Variants in SCARB2 observed in about 807,000 individuals in gnomAD.
SCARB2 encodes scavenger receptor class B member 2, also known as lysosome membrane protein 2.
In SCARB2, 29 loss-of-function variants were observed where a neutral mutation model predicts 58.6. The observed-to-expected ratio is 0.49, with a 90% CI of 0.37 to 0.67. The LOEUF is 0.67. Among genes scored for constraint, SCARB2 ranks in the 30% least tolerant of loss-of-function variants. The pLI, the probability that SCARB2 is intolerant of heterozygous loss-of-function variation, is 0.00. For missense variants in SCARB2, 488 were observed against 578.5 expected, an observed-to-expected ratio of 0.84 and a Z score of 1.60; for synonymous variants, 195 against 210.1, an observed-to-expected ratio of 0.93 and a Z score of 0.62.
intron 7 of SCARB2, among the ~76,000 whole-genome samples, chr4:76,170,388 A>G (rs936076783): frequency 3.9e-5 from 6 of 152,358 alleles, no homozygotes; most frequent in Non-Finnish European, 8.8e-5. Context: ...TTACCCAGGG[A>G]CAGCTAGCCA....
In SCARB2 at chr4:76,160,896, G is replaced by A. The variant is rs532437140; in HGVS notation, c.*817C>T. 1 of 152,086 alleles carries A rather than the reference G, an allele frequency of 6.6e-6. No individual in the cohort carries two copies. The highest frequency in any genetic ancestry group is 1.5e-5 in the Non-Finnish European group (1 of 67,996). 9.4% of individuals were successfully genotyped at this position (152,086 alleles called of 1,614,324 possible). A position where few individuals can be genotyped will look rare whatever the true frequency, so the allele number is the denominator to read the frequency against. On this transcript the variant is annotated 3_prime_UTR_variant, in exon 12 of 12. Transcript: ENST00000264896. ...ATTCTCTCAGAAGCATCTTTTCGTA[G>A]CATGATCATTTTGACTAAAAAAAAA...
In SCARB2 at chr4:76,198,841, A is replaced by AGTGAGTGT. The variant is rs1259886166; in HGVS notation, c.118-2978_118-2977insACACTCAC. On this transcript the variant is annotated intron_variant, in intron 1 of 11. Coordinates refer to ENST00000264896, the MANE Select transcript of SCARB2 (RefSeq NM_005506.4). The stretch of plus-strand genomic sequence containing the variant: ...TAGATCACGTGCTGGAGAGTGAGTG[A>AGTGAGTGT]GTGTGTGTGTGTGTGTGTGTGTGTG... 9.4e-3 allele frequency among the ~76,000 whole-genome samples: 1,331 copies of AGTGAGTGT among 141,100 alleles called. 21 individuals carry two copies. Among genetic ancestry groups the AGTGAGTGT allele is most frequent in the African/African-American group, 0.035 (1,250 of 35,622 alleles). 92.6% of individuals were successfully genotyped at this position (141,100 alleles called of 152,430 possible).
At chr4:76,188,695 C>A (rs1293800101) in intron 2 of SCARB2, among the ~76,000 whole-genome samples, 1 of 152,218 alleles carries the variant, frequency 6.6e-6, no homozygotes, top group African/African-American at 2.4e-5. Context: ...TCTTATCCAG[C>A]CTAAACAATA....
chr4:76,199,514 G>A (rs1285753372), intron 1 of SCARB2, among the ~76,000 whole-genome samples: 1 of 152,228 alleles, frequency 6.6e-6, no homozygotes, highest in African/African-American at 2.4e-5. Context: ...AATATGGCAG[G>A]ACATTAACAA....
At chr4:76,170,555 G>A (rs1042457859) in intron 7 of SCARB2, among the ~76,000 whole-genome samples, 8 of 151,914 alleles carry the variant, frequency 5.3e-5, no homozygotes, top group African/African-American at 9.7e-5. Flanking sequence ...GTTTTGTTTT[G>A]TTTTGTTTTT....
At chr4:76,171,121 C>G (rs1341357848) in intron 7 of SCARB2, among the ~76,000 whole-genome samples, 4 of 152,022 alleles carry the variant, frequency 2.6e-5, no homozygotes, top group African/African-American at 9.7e-5. Flanking sequence ...TACATATTCA[C>G]CAGCCCATGG....
At chr4:76,179,487 AAG>A in intron 4 of SCARB2, 28 bp downstream of exon 4, 1 of 1,543,268 alleles carries the variant, frequency 6.5e-7, no homozygotes, top group Non-Finnish European at 9.0e-7. Flanking sequence ...CAGCTAAAAA[AAG>A]AGGTTCTGAA....
In SCARB2 at chr4:76,175,926, A is replaced by C. The variant is rs758547692; in HGVS notation, c.705-16T>G. The stretch of plus-strand genomic sequence containing the variant: ...GTCAAGTGACCTATAATTGATAAGC[A>C]CAAGAAAGAGTAAAGATGATCACAT... On this transcript the variant is annotated splice_polypyrimidine_tract_variant and intron_variant, in intron 5 of 11. Coordinates refer to ENST00000264896, the MANE Select transcript of SCARB2 (RefSeq NM_005506.4). 5 of 1,613,082 alleles carry C rather than the reference A, an allele frequency of 3.1e-6. No homozygotes were observed. The highest frequency in any genetic ancestry group is 4.2e-6 in the Non-Finnish European group (5 of 1,179,914).
chr4:76,195,384 T>C (rs1279554815), intron 2 of SCARB2: 2 of 213,418 alleles, frequency 9.4e-6, no homozygotes, highest in African/African-American at 4.6e-5. Context: ...TAAAATAAAA[T>C]AAAATAAGAA....
Position 76,195,838 on chromosome 4 carries a change from C to T in SCARB2, c.144G>A (p.Glu48=). 2 of 1,613,588 alleles carry T rather than the reference C, an allele frequency of 1.2e-6. No homozygotes were observed. The highest frequency in any genetic ancestry group is 1.7e-6 in the Non-Finnish European group (2 of 1,179,724). ...EKKIVLRNGT[E]AFDSWEKPPL... is the part of the protein sequence containing the mutation. The stretch of plus-strand genomic sequence containing the variant: ...GGGGCTTCTCCCAGGAGTCAAATGC[C>T]TCAGTACCATTCCTTAACACAATTT... The change falls in exon 2 of 12, where the codon GAG becomes GAA. Residue 48 remains glutamate, a synonymous_variant. Transcript: ENST00000264896.
chr4:76,165,962 T>C, intron 10 of SCARB2: 1 of 525,470 alleles, frequency 1.9e-6, no homozygotes, highest in South Asian at 2.1e-5. Flanking sequence ...TGTCTGCCAA[T>C]GGCTCCTTTT....
chr4:76,187,857 C>T (rs138698392), intron 2 of SCARB2, among the ~76,000 whole-genome samples: 1 of 151,958 alleles, frequency 6.6e-6, no homozygotes, highest in East Asian at 1.9e-4. Context: ...AGTCTACACT[C>T]TTAAAGATAA....
chr4:76,176,797 C>T (rs1359325348), intron 4 of SCARB2: 4 of 335,074 alleles, frequency 1.2e-5, no homozygotes, highest in Non-Finnish European at 1.1e-5. Context: ...ACTGCAACAT[C>T]GAAATTCTGC....
At chr4:76,213,235 C>G (rs1363519105) in intron 1 of SCARB2, 192 bp downstream of exon 1, 3 of 641,886 alleles carry the variant, frequency 4.7e-6, no homozygotes, top group Admixed American at 4.3e-5. Flanking sequence ...GTAAAGGGAA[C>G]AGAGTCGGCT....
At position 76,181,187 on chromosome 4, in the gene SCARB2, T is replaced by C; in HGVS notation, c.276-86A>G. ...CCTTTCTTTCAGCATCCAAGTTATATTTTCAATATAACATTCCCAATATAA... is the reference window on the plus strand; with the variant it reads ...CCTTTCTTTCAGCATCCAAGTTATACTTTCAATATAACATTCCCAATATAA... On this transcript the variant is annotated intron_variant, in intron 2 of 11. Coordinates refer to ENST00000264896, the MANE Select transcript of SCARB2 (RefSeq NM_005506.4). The C allele has an allele frequency of 6.7e-6, 9 of 1,339,170 alleles. No individual in the cohort carries two copies. In the Middle Eastern group the frequency reaches 7.5e-4, roughly 111 times the overall value. The allele number at this position is 1,339,170 out of a possible 1,614,324, so 83.0% of individuals were successfully genotyped here. A position where few individuals can be genotyped will look rare whatever the true frequency, so the allele number is the denominator to read the frequency against.
intron 2 of SCARB2, chr4:76,192,545 A>T (rs1187391648): frequency 6.6e-6 from 1 of 152,188 alleles, no homozygotes; most frequent in East Asian, 1.9e-4. Context: ...ATGTGGGAGT[A>T]AAAAAATGAC....
chr4:76,203,095 C>T (rs1394569740), intron 1 of SCARB2, among the ~76,000 whole-genome samples: 1 of 152,134 alleles, frequency 6.6e-6, no homozygotes, highest in Non-Finnish European at 1.5e-5. Context: ...ATGCCTCAGC[C>T]ACTGGAGTAG....
At chr4:76,218,447 C>G (rs1733252591), upstream of SCARB2, among the ~76,000 whole-genome samples, 1 of 152,208 alleles carries the variant, frequency 6.6e-6, no homozygotes, top group South Asian at 2.1e-4. Context: ...ATCACATGCA[C>G]CTGTGCCAGG....
rs1345766706 is a variant in SCARB2 at position 76,169,722 on chromosome 4, C to T, written c.1113+145G>A. The T allele has an allele frequency of 1.1e-5, 8 of 741,832 alleles. No individual in the cohort carries two copies. In the Admixed American group the frequency reaches 1.1e-4, roughly 10 times the overall value. The allele number at this position is 741,832 out of a possible 1,614,324, so 46.0% of individuals were successfully genotyped here. A position where few individuals can be genotyped will look rare whatever the true frequency, so the allele number is the denominator to read the frequency against. On this transcript the variant is annotated intron_variant, in intron 8 of 11. Coordinates refer to ENST00000264896, the MANE Select transcript of SCARB2 (RefSeq NM_005506.4). ...TTACAGGGCTATGAGACAATGCCTC[C>T]ATCAGCACTGAGCTGAATTTCTCCC...
Sources: gnomAD v4.1 joint callset for allele counts (sites outside exome capture counted in the v4.1 genomes callset) on GRCh38, gnomAD v4.1.1 for gene constraint, MANE v1.5 for transcripts, NCBI Gene and HGNC (gene_info 2026-07-23, HGNC 2026-07-21) for gene names.